Variants in SH2D4B observed in about 807,000 individuals in gnomAD.
The protein encoded by SH2D4B is SH2 domain-containing protein 4B.
A neutral mutation model predicts 61.5 loss-of-function variants in SH2D4B; 45 were observed. The observed-to-expected ratio is 0.73, with a 90% CI of 0.58 to 0.94. SH2D4B has a LOEUF of 0.94. Ranked by LOEUF, SH2D4B falls within the 40% of genes least tolerant of loss-of-function variation. The pLI, the probability that SH2D4B is intolerant of heterozygous loss-of-function variation, is 0.00. For missense variants in SH2D4B, 572 were observed against 574.2 expected (o/e 1.00, Z 0.04); for synonymous variants, 224 against 220.4 (o/e 1.02, Z -0.14).
At chr10:80,632,307 C>T (rs562504364) in intron 6 of SH2D4B, among the ~76,000 whole-genome samples, 12 of 152,104 alleles carry the variant, frequency 7.9e-5, no homozygotes, top group East Asian at 3.9e-4. Flanking sequence ...TGAGGTAAAG[C>T]GTATGTTAAT....
chr10:80,620,383 G>A (rs1240720516), intron 6 of SH2D4B, among the ~76,000 whole-genome samples: 1 of 152,128 alleles, frequency 6.6e-6, no homozygotes, highest in African/African-American at 2.4e-5. Flanking sequence ...GTTTCTTGAG[G>A]CCTCCCAGCC....
chr10:80,601,884 A>C (rs1039011637), intron 4 of SH2D4B, among the ~76,000 whole-genome samples: 3 of 152,218 alleles, frequency 2.0e-5, no homozygotes, highest in Non-Finnish European at 4.4e-5. Flanking sequence ...CTGAGAAGAG[A>C]AGGTGACTCA....
rs1247027517 is a variant in SH2D4B, at chr10:80,539,126, G to A, written c.184+611G>A. The stretch of plus-strand genomic sequence containing the variant: ...GTAGCAACTGCAGATGAGAAGCAAG[G>A]GCCTAGCCTACATTTCAGGTGTTTT... On this transcript the variant is annotated intron_variant, in intron 1 of 7. Transcript: ENST00000646907. The surrounding 1 kb of genome is among the most constrained non-coding windows in gnomAD (Gnocchi z 4.9). 6.6e-6 allele frequency among the ~76,000 whole-genome samples: 1 copy of A among 152,196 alleles called. No homozygotes were observed. The highest frequency in any genetic ancestry group is 1.9e-4 in the East Asian group (1 of 5,186).
At chr10:80,569,088 G>A in intron 1 of SH2D4B, among the ~76,000 whole-genome samples, 1 of 152,190 alleles carries the variant, frequency 6.6e-6, no homozygotes, top group Admixed American at 6.5e-5. Flanking sequence ...GTAATCAGCG[G>A]AATCTGCTGC....
At chr10:80,580,231 A>T (rs1045117996) in intron 3 of SH2D4B, among the ~76,000 whole-genome samples, 2 of 152,342 alleles carry the variant, frequency 1.3e-5, no homozygotes, top group Non-Finnish European at 2.9e-5. Flanking sequence ...CAGGCTGGGA[A>T]GCCCAGCTTC....
chr10:80,581,591 AC>A (rs1190958645), intron 3 of SH2D4B, among the ~76,000 whole-genome samples: 1 of 152,202 alleles, frequency 6.6e-6, no homozygotes, highest in Non-Finnish European at 1.5e-5. Context: ...GCTGTGAGTG[AC>A]ACAGCAAGAA....
chr10:80,577,976 CT>C (rs760976545), intron 3 of SH2D4B, among the ~76,000 whole-genome samples: 2,500 of 145,890 alleles, frequency 0.017, 24 homozygotes, highest in Non-Finnish European at 0.02. Context: ...TTTTTTCTTT[CT>C]TTTTTTTTTT....
intron 6 of SH2D4B, among the ~76,000 whole-genome samples, chr10:80,629,349 T>C (rs1030025286): frequency 2.0e-5 from 3 of 152,182 alleles, no homozygotes; most frequent in African/African-American, 7.2e-5. Context: ...GCTAAACCAT[T>C]TGTGAGAAAT....
At chr10:80,543,391 G>A (rs1226455616) in intron 1 of SH2D4B, among the ~76,000 whole-genome samples, 1 of 152,162 alleles carries the variant, frequency 6.6e-6, no homozygotes, top group African/African-American at 2.4e-5. Context: ...GAGGGGCTTA[G>A]CACCTGGGCC....
In SH2D4B at chr10:80,646,460, A is replaced by G. The variant is rs1392664273; in HGVS notation, c.*2375A>G. The G allele has an allele frequency of 3.3e-5, 5 of 152,224 alleles. No homozygotes were observed. Among genetic ancestry groups the G allele is most frequent in the African/African-American group, 1.2e-4 (5 of 41,470 alleles). 9.4% of individuals were successfully genotyped at this position (152,224 alleles called of 1,614,324 possible). Reference sequence around the variant, plus strand: ...TTACCTTTTTACCTGGCTTTAAAATAAATCCCTTGTAAGTTGTCCTGCAAA... The same window carrying G: ...TTACCTTTTTACCTGGCTTTAAAATGAATCCCTTGTAAGTTGTCCTGCAAA... On this transcript the variant is annotated 3_prime_UTR_variant, in exon 8 of 8. Transcript: ENST00000646907.
intron 4 of SH2D4B, among the ~76,000 whole-genome samples, chr10:80,590,451 A>G (rs1842313110): frequency 6.6e-6 from 1 of 152,212 alleles, no homozygotes; most frequent in African/African-American, 2.4e-5. Context: ...GAAAGGCCTC[A>G]GATGTCAAAA....
At chr10:80,560,328 A>G (rs974090697) in intron 1 of SH2D4B, among the ~76,000 whole-genome samples, 2 of 150,566 alleles carry the variant, frequency 1.3e-5, no homozygotes, top group Non-Finnish European at 3.0e-5. Context: ...AAGGCTATTC[A>G]TCATTTTTCA....
chr10:80,587,602 A>G (rs1478536310), intron 3 of SH2D4B, among the ~76,000 whole-genome samples: 1 of 151,192 alleles, frequency 6.6e-6, no homozygotes, highest in African/African-American at 2.4e-5. Flanking sequence ...CTAAACTTTT[A>G]TTTTAGATTC....
intron 6 of SH2D4B, among the ~76,000 whole-genome samples, chr10:80,617,705 T>C (rs1190517667): frequency 6.6e-6 from 1 of 152,236 alleles, no homozygotes; most frequent in Non-Finnish European, 1.5e-5. Context: ...TAGGTCTAGC[T>C]TCAGGCTTTG....
intron 6 of SH2D4B, among the ~76,000 whole-genome samples, chr10:80,632,883 C>T (rs74146003): frequency 2.1e-3 from 315 of 151,872 alleles, no homozygotes; most frequent in African/African-American, 7.3e-3. Context: ...CCTTCCTTGT[C>T]TTACTCTTCT....
chr10:80,551,469 C>A (rs1006364273), intron 1 of SH2D4B, among the ~76,000 whole-genome samples: 6 of 151,822 alleles, frequency 4.0e-5, no homozygotes, highest in Non-Finnish European at 8.8e-5. Context: ...GGATTAGTAT[C>A]CAGAAAATAT....
chr10:80,556,979 C>T (rs955787126), intron 1 of SH2D4B, among the ~76,000 whole-genome samples: 2 of 152,084 alleles, frequency 1.3e-5, no homozygotes, highest in Non-Finnish European at 2.9e-5. Context: ...TGTTCCTAAT[C>T]TTAGAGGGAA....
chr10:80,580,012 C>T (rs1057020499), intron 3 of SH2D4B, among the ~76,000 whole-genome samples: 1 of 152,194 alleles, frequency 6.6e-6, no homozygotes, highest in Non-Finnish European at 1.5e-5. Context: ...CTGCTATGTC[C>T]TGTGCTGTGA....
At chr10:80,580,043 C>T (rs962317361) in intron 3 of SH2D4B, among the ~76,000 whole-genome samples, 6 of 152,182 alleles carry the variant, frequency 3.9e-5, no homozygotes, top group Admixed American at 2.0e-4. Flanking sequence ...GAGGAATGAA[C>T]AGCATAGGTT....
Sources: gnomAD v4.1 joint callset for allele counts (sites outside exome capture counted in the v4.1 genomes callset) on GRCh38, gnomAD v4.1.1 for gene constraint, Gnocchi (gnomAD v3.1) non-coding constraint, MANE v1.5 for transcripts, NCBI Gene and HGNC (gene_info 2026-07-23, HGNC 2026-07-21) for gene names.